Variants in KANSL3 observed in about 807,000 individuals in gnomAD.
The protein encoded by KANSL3 is KAT8 regulatory NSL complex subunit 3.
KANSL3 carries 16 observed loss-of-function variants against 89.2 expected under a neutral mutation model. That is an observed-to-expected ratio of 0.18 (90% CI 0.12 to 0.27). The LOEUF (loss-of-function observed/expected upper bound fraction) is 0.27, where lower values mean the gene tolerates loss of function less well. Ranked by LOEUF, KANSL3 falls within the 10% of genes least tolerant of loss-of-function variation. KANSL3 has a pLI of 1.00. For synonymous variants in KANSL3, 385 were observed against 419.7 expected (o/e 0.92, Z 1.01); for missense variants, 879 against 1,110.6 (o/e 0.79, Z 2.96).
rs1310074278 is a variant in KANSL3 at position 96,605,330 on chromosome 2, A to G, written c.1923T>C (p.Ser641=). ...CCAAGAGAAACTCACCTTCTGGAGC[A>G]CTTCCTTGGGAAGGAGCACAAGGCC... The part of the protein sequence containing the change: ...AGGPCAPSQG[S]APEAAGGKPI... Residue 641 remains serine (S), a synonymous_variant, in exon 15 of 21, where the codon AGT becomes AGC. Transcript: ENST00000431828. The G allele has an allele frequency of 6.2e-7, 1 of 1,609,436 alleles. No homozygotes were observed. Among genetic ancestry groups the G allele is most frequent in the African/African-American group, 1.3e-5 (1 of 74,816 alleles).
intron 5 of KANSL3, 137 bp downstream of exon 5, chr2:96,619,222 A>G (rs192919947): frequency 1.3e-5 from 9 of 716,188 alleles, no homozygotes; most frequent in African/African-American, 1.8e-5. Flanking sequence ...CTGTCTCCCA[A>G]TTTTAGTACC....
chr2:96,638,093 C>G (rs1323842721), intron 1 of KANSL3, 190 bp downstream of exon 1: 1 of 152,578 alleles, frequency 6.6e-6, no homozygotes, highest in African/African-American at 2.4e-5. Context: ...TCACGGAGGC[C>G]CAGACGCGGC....
intron 2 of KANSL3, among the ~76,000 whole-genome samples, chr2:96,632,615 A>G (rs1319296281): frequency 1.3e-5 from 2 of 152,214 alleles, no homozygotes; most frequent in Non-Finnish European, 2.9e-5. Context: ...GAGATGGGCC[A>G]GAAATCATGA....
chr2:96,583,673 G>T, the KANSL3 span, among the ~76,000 whole-genome samples: 1 of 152,180 alleles, frequency 6.6e-6, no homozygotes, highest in Non-Finnish European at 1.5e-5. Flanking sequence ...GGGACATTCA[G>T]TCTATTTTCA....
chr2:96,610,799 T>C lies in KANSL3; in HGVS notation c.1246A>G (p.Met416Val). 1 of 1,613,986 alleles carries C rather than the reference T, an allele frequency of 6.2e-7. No individual in the cohort carries two copies. The change falls in exon 11 of 21, where the codon ATG becomes GTG. Residue 416 changes from methionine (M) to valine (V), a missense_variant. Met to Val is a conservative substitution (Grantham distance 21). Coordinates refer to ENST00000431828, the MANE Select transcript of KANSL3 (RefSeq NM_001115016.3). ...CGAATCTTCTCCCGGAAGTCCTCCA[T>C]GGCTTCAGGGTGACATTGAAGGGAA... ...QNSLQCHPEA[M>V]EDFREKIRAE... is the part of the protein sequence containing the mutation.
chr2:96,613,035 T>C, intron 6 of KANSL3, 101 bp from the exon 7 acceptor site: 1 of 770,138 alleles, frequency 1.3e-6, no homozygotes, highest in Non-Finnish European at 2.2e-6. Context: ...CAATGCTCCT[T>C]TGCTTGTGAA....
rs1042408106 is a variant in KANSL3, at chr2:96,637,160, A to G, written c.-25T>C. 11 of 1,475,340 alleles carry G rather than the reference A, an allele frequency of 7.5e-6. No individual in the cohort carries two copies. The highest frequency in any genetic ancestry group is 8.3e-6 in the Non-Finnish European group (9 of 1,079,484). 91.4% of individuals were successfully genotyped at this position (1,475,340 alleles called of 1,614,324 possible). ...TGTCAGTGGAGGGGCAGAAAGTCAG[A>G]GCATGGGTATCTGCATGCTAGTCAC... On this transcript the variant is annotated 5_prime_UTR_variant, in exon 2 of 21. Coordinates refer to ENST00000431828, the MANE Select transcript of KANSL3 (RefSeq NM_001115016.3).
At chr2:96,611,638 A>G (rs2068970783) in intron 9 of KANSL3, among the ~76,000 whole-genome samples, 3 of 152,118 alleles carry the variant, frequency 2.0e-5, no homozygotes, top group Admixed American at 2.0e-4. Flanking sequence ...TAGCTATCAC[A>G]CTTGATTGGA....
chr2:96,612,965 G>A (rs201034204), intron 6 of KANSL3, 31 bp from the exon 7 acceptor site: 1 of 1,423,938 alleles, frequency 7.0e-7, no homozygotes, highest in South Asian at 1.2e-5. Flanking sequence ...CCAAAAACCA[G>A]TGAGTGAGAA....
intron 14 of KANSL3, chr2:96,607,108 G>T (rs762210201): frequency 1.0e-4 from 111 of 1,086,478 alleles, no homozygotes; most frequent in Non-Finnish European, 1.3e-4. Flanking sequence ...GAAAAAGAGA[G>T]GGAATAAGAA....
chr2:96,590,261 ATAG>A (rs2066263390), downstream of KANSL3, among the ~76,000 whole-genome samples: 1 of 152,170 alleles, frequency 6.6e-6, no homozygotes, highest in Non-Finnish European at 1.5e-5. Flanking sequence ...GGAATGTAAA[ATAG>A]TACAACTACT....
chr2:96,633,818 T>C (rs924917142), intron 2 of KANSL3, among the ~76,000 whole-genome samples: 6 of 152,016 alleles, frequency 3.9e-5, no homozygotes, highest in South Asian at 2.1e-4. Flanking sequence ...TGAGCCAAGA[T>C]TGCACCACTG....
downstream of KANSL3, among the ~76,000 whole-genome samples, chr2:96,591,947 T>TC (rs1340585640): frequency 2.0e-5 from 3 of 152,316 alleles, no homozygotes; most frequent in South Asian, 2.1e-4. Context: ...AATAGGTTTC[T>TC]CCTTCTTGCA....
intron 15 of KANSL3, 93 bp from the exon 16 acceptor site, chr2:96,604,956 G>A (rs547230753): frequency 6.0e-6 from 6 of 1,005,962 alleles, no homozygotes; most frequent in African/African-American, 4.9e-5. Context: ...AAGATATTAC[G>A]GACGAAAACT....
Position 96,593,553 on chromosome 2 carries a change from C to CA in KANSL3, c.*2057dup. On this transcript the variant is annotated 3_prime_UTR_variant, in exon 21 of 21. Transcript: ENST00000431828. ...CTGTTACCCTGTGCAAGTTGTAGAACAATCCACGTTCTCACAGCTCCCCTT... is the reference window on the plus strand; with the variant it reads ...CTGTTACCCTGTGCAAGTTGTAGAACAAATCCACGTTCTCACAGCTCCCCTT... 3.0e-6 allele frequency: 1 copy of CA among 332,192 alleles called. No homozygotes were observed. The highest frequency in any genetic ancestry group is 6.0e-6 in the Non-Finnish European group (1 of 167,492). The allele number at this position is 332,192 out of a possible 1,614,324, so 20.6% of individuals were successfully genotyped here. A position where few individuals can be genotyped will look rare whatever the true frequency, so the allele number is the denominator to read the frequency against.
At chr2:96,605,106 C>A (rs1006875686) in intron 15 of KANSL3, among the ~76,000 whole-genome samples, 1 of 152,158 alleles carries the variant, frequency 6.6e-6, no homozygotes, top group Non-Finnish European at 1.5e-5. Context: ...ATGCTTTGAA[C>A]GATGGCACAG....
chr2:96,608,737 G>A (rs930199551), intron 13 of KANSL3, 73 bp from the exon 14 acceptor site: 3 of 1,594,202 alleles, frequency 1.9e-6, no homozygotes, highest in Non-Finnish European at 2.6e-6. Flanking sequence ...ATGTCCCTCT[G>A]GAATTCCCCT....
intron 2 of KANSL3, among the ~76,000 whole-genome samples, chr2:96,634,786 C>T (rs1241124446): frequency 2.0e-5 from 3 of 152,192 alleles, no homozygotes; most frequent in Non-Finnish European, 1.5e-5. Context: ...CTTCTCCAGG[C>T]CAGACATTGA....
rs1401537452 is a variant in KANSL3 at position 96,600,741 on chromosome 2, A to G, written c.2616+902T>C. ...TTTAAGATTAGAAATATTTGACTTGAAAAGGTCACAGGGGAAATTAGATCA... is the reference window on the plus strand; with the variant it reads ...TTTAAGATTAGAAATATTTGACTTGGAAAGGTCACAGGGGAAATTAGATCA... On this transcript the variant is annotated intron_variant, in intron 20 of 20. Coordinates refer to ENST00000431828, the MANE Select transcript of KANSL3 (RefSeq NM_001115016.3). 4 of 985,332 alleles carry G rather than the reference A, an allele frequency of 4.1e-6. No individual in the cohort carries two copies. In the African/African-American group the frequency reaches 7.0e-5, roughly 17 times the overall value. The allele number at this position is 985,332 out of a possible 1,614,324, so 61.0% of individuals were successfully genotyped here.
Sources: allele counts gnomAD v4.1 joint callset (sites outside exome capture counted in the v4.1 genomes callset), GRCh38; gene constraint gnomAD v4.1.1; transcripts MANE v1.5; gene names NCBI Gene and HGNC (gene_info 2026-07-23, HGNC 2026-07-21).